KCNQ3: variants seen among roughly 807,000 people sequenced by gnomAD.
KCNQ3 encodes the protein potassium voltage-gated channel subfamily Q member 3.
Under a neutral mutation model 92.5 loss-of-function variants are expected in KCNQ3, and 30 were observed. That is an observed-to-expected ratio of 0.32 (90% CI 0.24 to 0.44). The LOEUF (loss-of-function observed/expected upper bound fraction) is 0.44. Among genes scored for constraint, KCNQ3 ranks in the 20% least tolerant of loss-of-function variants. The pLI is 1.00. For synonymous variants in KCNQ3, 450 were observed against 468.8 expected, an observed-to-expected ratio of 0.96 and a Z score of 0.52; for missense variants, 913 against 1,140.3, an observed-to-expected ratio of 0.80 and a Z score of 2.87.
chr8:132,403,561 C>T (rs1820403863), intron 1 of KCNQ3, among the ~76,000 whole-genome samples: 1 of 152,154 alleles, frequency 6.6e-6, no homozygotes, highest in African/African-American at 2.4e-5. Flanking sequence ...CTTAAAAATG[C>T]CACCCTATAA....
chr8:132,150,134 T>C (rs1825591746), intron 9 of KCNQ3, among the ~76,000 whole-genome samples: 1 of 152,126 alleles, frequency 6.6e-6, no homozygotes, highest in South Asian at 2.1e-4. Flanking sequence ...GGGATCACTG[T>C]ATTTTTGGTA....
chr8:132,271,292 C>G (rs1273144382), intron 1 of KCNQ3, among the ~76,000 whole-genome samples: 2 of 152,208 alleles, frequency 1.3e-5, no homozygotes, highest in Non-Finnish European at 2.9e-5. Context: ...AGCCTGAAAC[C>G]CACATCATTG....
chr8:132,352,764 T>G lies in KCNQ3; in HGVS notation c.386+127383A>C, dbSNP rs998678265. Among the ~76,000 whole-genome samples, 12 of 152,234 alleles carry G rather than the reference T, an allele frequency of 7.9e-5. No homozygotes were observed. In the South Asian group the frequency reaches 2.5e-3, roughly 32 times the overall value. On this transcript the variant is annotated intron_variant, in intron 1 of 14. Coordinates refer to ENST00000388996, the MANE Select transcript of KCNQ3 (RefSeq NM_004519.4). ...AGTGACTCATGTGTCATGATTTTCA[T>G]AGCTGATTTCATGAGTTTTTGACAG...
intron 1 of KCNQ3, among the ~76,000 whole-genome samples, chr8:132,400,856 C>T (rs1028207881): frequency 1.3e-5 from 2 of 152,232 alleles, no homozygotes; most frequent in Admixed American, 6.5e-5. Context: ...TACGCTGTCT[C>T]ACTTGCCCTT....
At position 132,129,255 on chromosome 8, in the gene KCNQ3, A is replaced by G. The variant is rs758092329; in HGVS notation, c.*7T>C. On this transcript the variant is annotated 3_prime_UTR_variant, in exon 15 of 15. Transcript: ENST00000388996. The surrounding 1 kb of genome is among the most constrained non-coding windows in gnomAD (Gnocchi z 5.9). ...CATTACAAGGAGGGGTCAGCCAGTG[A>G]CCTCTTTTAAATGGGCTTATTGGAA... 1.9e-6 allele frequency: 3 copies of G among 1,609,068 alleles called. No individual in the cohort carries two copies. Among genetic ancestry groups the G allele is most frequent in the East Asian group, 2.2e-5 (1 of 44,868 alleles).
intron 1 of KCNQ3, among the ~76,000 whole-genome samples, chr8:132,440,011 A>G (rs1183802315): frequency 6.6e-6 from 1 of 152,206 alleles, no homozygotes; most frequent in Admixed American, 6.5e-5. Context: ...TACTATTTGC[A>G]TAGAACCTGC....
chr8:132,302,843 G>T (rs1252480897), intron 1 of KCNQ3, among the ~76,000 whole-genome samples: 2 of 152,186 alleles, frequency 1.3e-5, no homozygotes, highest in Non-Finnish European at 2.9e-5. Context: ...TGGCCCACAG[G>T]TGATTTGGAT....
At chr8:132,223,898 T>G (rs561989185) in intron 1 of KCNQ3, among the ~76,000 whole-genome samples, 1 of 152,038 alleles carries the variant, frequency 6.6e-6, no homozygotes, top group East Asian at 1.9e-4. Flanking sequence ...TTATTAAAAA[T>G]CCAATAACAA....
intron 1 of KCNQ3, among the ~76,000 whole-genome samples, chr8:132,401,565 G>A (rs2130784328): frequency 6.6e-6 from 1 of 152,230 alleles, no homozygotes; most frequent in African/African-American, 2.4e-5. Context: ...TAGTAGAGAT[G>A]GGTTTTCACC....
intron 1 of KCNQ3, among the ~76,000 whole-genome samples, chr8:132,358,683 C>CGTGGAA (rs1297389802): frequency 7.9e-6 from 1 of 126,344 alleles, no homozygotes; most frequent in Non-Finnish European, 1.6e-5. Flanking sequence ...CAGCACTTCA[C>CGTGGAA]GTGGAATTCA....
At chr8:132,326,216 C>G (rs896636413) in intron 1 of KCNQ3, among the ~76,000 whole-genome samples, 1 of 152,130 alleles carries the variant, frequency 6.6e-6, no homozygotes, top group East Asian at 1.9e-4. Context: ...GCGTGACATA[C>G]AAAACCACTT....
chr8:132,462,472 G>A (rs1822084783), intron 1 of KCNQ3, among the ~76,000 whole-genome samples: 1 of 152,206 alleles, frequency 6.6e-6, no homozygotes, highest in South Asian at 2.1e-4. Flanking sequence ...ACAGGCGTGA[G>A]CCACTGCACC....
chr8:132,323,617 C>T (rs1355217255), intron 1 of KCNQ3, among the ~76,000 whole-genome samples: 1 of 152,258 alleles, frequency 6.6e-6, no homozygotes, highest in East Asian at 1.9e-4. Flanking sequence ...GCTTATTGCT[C>T]GTTTCCATCC....
rs372002816 is a variant in KCNQ3, at chr8:132,129,569, G to C, written c.2312C>G (p.Ser771Trp). The change falls in exon 15 of 15, where the codon TCG (serine) becomes TGG (tryptophan). Residue 771 changes from serine (S) to tryptophan (W), a missense_variant. Around this residue, in one of 6 missense-constraint regions of KCNQ3, gnomAD observed 375 missense variants for 376.4 expected, o/e 1.00. Transcript: ENST00000388996. The surrounding 1 kb of genome is among the most constrained non-coding windows in gnomAD (Gnocchi z 5.9). Reference protein sequence around the residue: ...HSQADLQGPYSDRISPRQRRS... With the variant: ...HSQADLQGPYWDRISPRQRRS... ...TCTCTGCCGGGGGGAGATTCGGTCC[G>C]AGTAGGGGCCCTGCAGGTCAGCCTG... is the stretch of plus-strand genomic sequence containing the variant. 1 of 1,614,172 alleles carries C rather than the reference G, an allele frequency of 6.2e-7. No individual in the cohort carries two copies. The highest frequency in any genetic ancestry group is 1.1e-5 in the South Asian group (1 of 91,090).
chr8:132,421,820 A>G (rs1191169413), intron 1 of KCNQ3, among the ~76,000 whole-genome samples: 2 of 152,186 alleles, frequency 1.3e-5, no homozygotes, highest in African/African-American at 4.8e-5. Flanking sequence ...TTTAAAACAG[A>G]TAATGGGAGA....
At chr8:132,190,342 G>A (rs1031846450) in intron 1 of KCNQ3, among the ~76,000 whole-genome samples, 5 of 152,132 alleles carry the variant, frequency 3.3e-5, no homozygotes, top group Admixed American at 2.6e-4. Flanking sequence ...AAAGAGATAA[G>A]ATGTCACTAC....
chr8:132,242,607 C>T (rs1563821348), intron 1 of KCNQ3, among the ~76,000 whole-genome samples: 1 of 152,230 alleles, frequency 6.6e-6, no homozygotes, highest in East Asian at 1.9e-4. Context: ...GTGATAGGAA[C>T]CTAAATTCAT....
chr8:132,286,501 T>C (rs1816683360), intron 1 of KCNQ3, among the ~76,000 whole-genome samples: 1 of 152,258 alleles, frequency 6.6e-6, no homozygotes, highest in African/African-American at 2.4e-5. Context: ...CATTGTATTT[T>C]AGAAGTAGAC....
intron 1 of KCNQ3, among the ~76,000 whole-genome samples, chr8:132,460,842 TA>T: frequency 6.6e-6 from 1 of 152,214 alleles, no homozygotes; most frequent in African/African-American, 2.4e-5. Context: ...TCACACAGAA[TA>T]ATTTCACCAC....
Sources: allele counts gnomAD v4.1 joint callset (sites outside exome capture counted in the v4.1 genomes callset), GRCh38; gene constraint gnomAD v4.1.1; regional missense constraint gnomAD v4.1.1; non-coding constraint Gnocchi (gnomAD v3.1); transcripts MANE v1.5; gene names NCBI Gene and HGNC (gene_info 2026-07-23, HGNC 2026-07-21).